The following NEO1 variants were observed in gnomAD, a reference collection of about 807,000 sequenced individuals.
NEO1 encodes the protein neogenin 1, also known as neogenin.
NEO1 carries 63 observed loss-of-function variants against 159.7 expected under a neutral mutation model. The observed-to-expected ratio is 0.39, with a 90% CI of 0.32 to 0.49. The LOEUF is 0.49. NEO1 is among the 20% of genes least tolerant of loss of function. The probability of loss-of-function intolerance (pLI) is 0.85; values close to 1 mark genes in which losing one functional copy is unlikely to be tolerated. For synonymous variants in NEO1, 633 were observed against 662.0 expected (o/e 0.96, Z 0.67); for missense variants, 1,615 against 1,831.0 (o/e 0.88, Z 2.15).
intron 1 of NEO1, among the ~76,000 whole-genome samples, chr15:73,105,922 C>T (rs879850543): frequency 6.6e-6 from 1 of 152,130 alleles, no homozygotes; most frequent in Non-Finnish European, 1.5e-5. Context: ...ACATTTCCCC[C>T]TTTGTAATTA....
At chr15:73,145,717 A>G (rs560195585) in intron 5 of NEO1, among the ~76,000 whole-genome samples, 7 of 152,356 alleles carry the variant, frequency 4.6e-5, no homozygotes, top group African/African-American at 1.2e-4. Flanking sequence ...ACAAAGTTAC[A>G]TTGTAAATTG....
intron 4 of NEO1, among the ~76,000 whole-genome samples, chr15:73,131,006 G>A (rs1204460544): frequency 1.3e-5 from 2 of 152,214 alleles, no homozygotes; most frequent in Non-Finnish European, 2.9e-5. Flanking sequence ...TGTTAATGGA[G>A]GCTGAGTGGG....
At chr15:73,229,481 G>A (rs563566530) in intron 7 of NEO1, among the ~76,000 whole-genome samples, 1 of 149,284 alleles carries the variant, frequency 6.7e-6, no homozygotes, top group Non-Finnish European at 1.5e-5. Flanking sequence ...ATTCATGAGG[G>A]TTTTCTGCAT....
At chr15:73,202,066 C>T (rs1002118082) in intron 7 of NEO1, among the ~76,000 whole-genome samples, 5 of 148,224 alleles carry the variant, frequency 3.4e-5, no homozygotes, top group African/African-American at 7.6e-5. Context: ...TGGGTTCAAG[C>T]GATTCTCCTG....
At chr15:73,249,842 G>A in intron 11 of NEO1, 121 bp downstream of exon 11, 2 of 1,150,736 alleles carry the variant, frequency 1.7e-6, no homozygotes, top group South Asian at 1.9e-5. Context: ...CCTCTTTCTG[G>A]TAATATGACT....
At chr15:73,245,619 G>A (rs894611066) in intron 9 of NEO1, among the ~76,000 whole-genome samples, 8 of 151,058 alleles carry the variant, frequency 5.3e-5, no homozygotes, top group Non-Finnish European at 1.2e-4. Flanking sequence ...CTGTCGCCCA[G>A]GCTGGAGTGC....
intron 5 of NEO1, among the ~76,000 whole-genome samples, chr15:73,144,907 TTC>T (rs1346397093): frequency 6.6e-6 from 1 of 152,192 alleles, no homozygotes; most frequent in Non-Finnish European, 1.5e-5. Context: ...GTTCATTAGA[TTC>T]TCTTTCTCCT....
At chr15:73,104,116 C>T (rs2070549691) in intron 1 of NEO1, among the ~76,000 whole-genome samples, 1 of 152,186 alleles carries the variant, frequency 6.6e-6, no homozygotes, top group South Asian at 2.1e-4. Flanking sequence ...CTTGCCTTGG[C>T]TTCCCAAAGT....
chr15:73,220,794 T>C (rs1298427847), intron 7 of NEO1, among the ~76,000 whole-genome samples: 2 of 152,214 alleles, frequency 1.3e-5, no homozygotes, highest in African/African-American at 4.8e-5. Context: ...TTTAAGCACT[T>C]CTCTGTATTG....
intron 10 of NEO1, 123 bp from the exon 11 acceptor site, chr15:73,249,460 C>A (rs2039961245): frequency 1.8e-6 from 2 of 1,118,778 alleles, no homozygotes; most frequent in Non-Finnish European, 2.5e-6. Context: ...TATTGAAGAA[C>A]CTTATGTAGA....
At chr15:73,265,923 T>C (rs2040865551) in intron 15 of NEO1, among the ~76,000 whole-genome samples, 1 of 152,252 alleles carries the variant, frequency 6.6e-6, no homozygotes, top group Non-Finnish European at 1.5e-5. Context: ...ACCTTGTCTG[T>C]TCCCATCGCT....
chr15:73,112,395 G>T (rs558656456), intron 1 of NEO1, among the ~76,000 whole-genome samples: 2 of 151,830 alleles, frequency 1.3e-5, no homozygotes, highest in African/African-American at 4.8e-5. Flanking sequence ...CCAATCCATT[G>T]TCTTTTGCTT....
chr15:73,228,408 T>A (rs1241911721), intron 7 of NEO1, among the ~76,000 whole-genome samples: 1 of 151,844 alleles, frequency 6.6e-6, no homozygotes, highest in Non-Finnish European at 1.5e-5. Flanking sequence ...TTTTTTTTTT[T>A]AACTTTGGTT....
chr15:73,259,032 T>G (rs1040210466), intron 14 of NEO1, 156 bp downstream of exon 14: 15 of 611,536 alleles, frequency 2.5e-5, no homozygotes, highest in Non-Finnish European at 4.3e-5. Context: ...TCGAGGCTGC[T>G]GGAATGGATT....
chr15:73,172,749 A>G (rs1205103741), intron 5 of NEO1, among the ~76,000 whole-genome samples: 1 of 152,220 alleles, frequency 6.6e-6, no homozygotes, highest in South Asian at 2.1e-4. Context: ...TAAGCACTAC[A>G]CTGGGCAGGC....
At chr15:73,086,187 C>A (rs998835965) in intron 1 of NEO1, among the ~76,000 whole-genome samples, 1 of 152,100 alleles carries the variant, frequency 6.6e-6, no homozygotes, top group South Asian at 2.1e-4. Flanking sequence ...AAAGACTATC[C>A]TTTTTCCAGT....
intron 15 of NEO1, among the ~76,000 whole-genome samples, chr15:73,264,148 C>G (rs1842876284): frequency 6.6e-6 from 1 of 151,998 alleles, no homozygotes; most frequent in Admixed American, 6.6e-5. Context: ...GATTATACCA[C>G]TGTACTCCAG....
At position 73,288,390 on chromosome 15, in the gene NEO1, T is replaced by C. The variant is rs1211555611; in HGVS notation, c.3488T>C (p.Leu1163Pro). Residue 1163 changes from leucine (L) to proline (P), a missense_variant, in exon 24 of 29, where the codon CTC (leucine) becomes CCC (proline). Coordinates refer to ENST00000261908, the MANE Select transcript of NEO1 (RefSeq NM_002499.4). ...GNSKDVKPPD[L>P]WIHHERLELK... is the part of the protein sequence containing the mutation. ...TCCAAAGATGTGAAACCTCCAGATCTCTGGATCCATCATGAGAGACTGGAG... is the reference window on the plus strand; with the variant it reads ...TCCAAAGATGTGAAACCTCCAGATCCCTGGATCCATCATGAGAGACTGGAG... The C allele has an allele frequency of 6.2e-7, 1 of 1,614,156 alleles. No homozygotes were observed. The highest frequency in any genetic ancestry group is 2.2e-5 in the East Asian group (1 of 44,870).
At chr15:73,225,983 C>T (rs978568681) in intron 7 of NEO1, among the ~76,000 whole-genome samples, 5 of 152,156 alleles carry the variant, frequency 3.3e-5, no homozygotes, top group Admixed American at 3.3e-4. Flanking sequence ...CTTCCTCTAC[C>T]CCTGTATTTT....
Sources: allele counts gnomAD v4.1 joint callset (sites outside exome capture counted in the v4.1 genomes callset), GRCh38; gene constraint gnomAD v4.1.1; transcripts MANE v1.5; gene names NCBI Gene and HGNC (gene_info 2026-07-23, HGNC 2026-07-21).